Variants in PPP3CC observed in about 807,000 individuals in gnomAD.
The protein encoded by PPP3CC is serine/threonine-protein phosphatase 2B catalytic subunit gamma isoform.
In PPP3CC, 35 loss-of-function variants were observed where a neutral mutation model predicts 60.3. The ratio of observed to expected loss-of-function variants is 0.58; its 90% CI spans 0.44 to 0.77. The LOEUF is 0.77. Among genes scored for constraint, PPP3CC ranks in the 30% least tolerant of loss-of-function variants. The probability of loss-of-function intolerance (pLI) is 0.00; values close to 1 mark genes in which losing one functional copy is unlikely to be tolerated. For missense variants in PPP3CC, 570 were observed against 628.9 expected (o/e 0.91, Z 1.00); for synonymous variants, 206 against 224.3 (o/e 0.92, Z 0.73).
At chr8:22,471,478 A>C (rs1837719872) in intron 1 of PPP3CC, among the ~76,000 whole-genome samples, 1 of 152,150 alleles carries the variant, frequency 6.6e-6, no homozygotes, top group South Asian at 2.1e-4. Context: ...TAGATGGTGT[A>C]ACTACTACTA....
At chr8:22,527,986 T>A (rs1839605362) in intron 9 of PPP3CC, among the ~76,000 whole-genome samples, 1 of 152,166 alleles carries the variant, frequency 6.6e-6, no homozygotes, top group Non-Finnish European at 1.5e-5. Context: ...TTTAATATAT[T>A]ATGGTTTTTT....
chr8:22,489,941 C>G (rs569074424), intron 3 of PPP3CC, among the ~76,000 whole-genome samples: 2 of 151,032 alleles, frequency 1.3e-5, no homozygotes, highest in Admixed American at 1.3e-4. Flanking sequence ...CCTGCCTCAG[C>G]CTCTCCAGTA....
At chr8:22,495,025 A>G (rs941043211) in intron 3 of PPP3CC, among the ~76,000 whole-genome samples, 4 of 152,080 alleles carry the variant, frequency 2.6e-5, no homozygotes, top group Non-Finnish European at 5.9e-5. Context: ...ATAGCTCACT[A>G]CAGCCTCAAA....
At chr8:22,512,798 C>T (rs953403348) in intron 5 of PPP3CC, among the ~76,000 whole-genome samples, 24 of 151,976 alleles carry the variant, frequency 1.6e-4, no homozygotes, top group Admixed American at 1.0e-3. Context: ...TATTGCAGAC[C>T]GGGCGCGGTG....
chr8:22,529,968 C>T (rs1041928981), intron 10 of PPP3CC, among the ~76,000 whole-genome samples: 4 of 152,132 alleles, frequency 2.6e-5, no homozygotes, highest in African/African-American at 9.7e-5. Flanking sequence ...AAGCACAAAC[C>T]GGCCTCATCC....
chr8:22,458,059 C>G (rs1440482158), intron 1 of PPP3CC, among the ~76,000 whole-genome samples: 4 of 151,872 alleles, frequency 2.6e-5, no homozygotes, highest in African/African-American at 4.8e-5. Flanking sequence ...CCATTGCACT[C>G]CAGCCTGGGC....
At position 22,522,429 on chromosome 8, in the gene PPP3CC, A is replaced by G. The variant is rs1040352227; in HGVS notation, c.771-62A>G. On this transcript the variant is annotated intron_variant, in intron 6 of 13. Coordinates refer to ENST00000240139, the MANE Select transcript of PPP3CC (RefSeq NM_005605.5). ...GCTAATATCACCTTGACTTTTCCCC[A>G]TCTTCCTATTAAAAAAAATTGTTTT... 2.5e-5 allele frequency: 33 copies of G among 1,345,948 alleles called. 1 individual carries two copies. In the South Asian group the frequency reaches 3.7e-4, roughly 15 times the overall value. 83.4% of individuals were successfully genotyped at this position (1,345,948 alleles called of 1,614,324 possible).
chr8:22,516,354 T>C (rs994067976), intron 6 of PPP3CC, among the ~76,000 whole-genome samples: 1 of 152,236 alleles, frequency 6.6e-6, no homozygotes, highest in Admixed American at 6.5e-5. Context: ...TATTCATTGT[T>C]GTCAGAATAG....
chr8:22,476,756 C>T (rs868541820), intron 3 of PPP3CC, among the ~76,000 whole-genome samples: 9 of 151,774 alleles, frequency 5.9e-5, no homozygotes, highest in African/African-American at 1.5e-4. Flanking sequence ...CATGGTGAAA[C>T]GCCGTCTCTA....
At chr8:22,536,425 C>A (rs575889833) in intron 12 of PPP3CC, among the ~76,000 whole-genome samples, 1 of 152,292 alleles carries the variant, frequency 6.6e-6, no homozygotes, top group Non-Finnish European at 1.5e-5. Context: ...TAATTGAAAC[C>A]AACTTTGTCT....
chr8:22,485,836 C>G (rs981489154), intron 3 of PPP3CC, among the ~76,000 whole-genome samples: 2 of 152,100 alleles, frequency 1.3e-5, no homozygotes, highest in East Asian at 1.9e-4. Flanking sequence ...ATGTGTTGCT[C>G]TTTGAGAAAG....
At chr8:22,474,776 T>C (rs879572346) in intron 1 of PPP3CC, among the ~76,000 whole-genome samples, 178 bp from the exon 2 acceptor site, 3 of 152,166 alleles carry the variant, frequency 2.0e-5, no homozygotes, top group Non-Finnish European at 4.4e-5. Flanking sequence ...CACCTTTTTA[T>C]ACTTAGAATT....
At chr8:22,451,297 A>T (rs2132431245) in intron 1 of PPP3CC, among the ~76,000 whole-genome samples, 1 of 151,542 alleles carries the variant, frequency 6.6e-6, no homozygotes, top group South Asian at 2.1e-4. Context: ...CACCACGCCC[A>T]GCTAGTTTTT....
intron 13 of PPP3CC, 54 bp downstream of exon 13, chr8:22,539,552 TC>T (rs1258362224): frequency 7.7e-6 from 12 of 1,550,910 alleles, no homozygotes; most frequent in Non-Finnish European, 1.1e-5. Context: ...TACTGGTTTT[TC>T]GAAGCTTTAT....
At chr8:22,471,636 C>A (rs1257794052) in intron 1 of PPP3CC, among the ~76,000 whole-genome samples, 1 of 152,032 alleles carries the variant, frequency 6.6e-6, no homozygotes, top group Non-Finnish European at 1.5e-5. Context: ...ACAATAAAAA[C>A]ACAGTATAAA....
At chr8:22,522,784 A>G (rs749870336) in intron 8 of PPP3CC, 35 bp downstream of exon 8, 1 of 1,435,640 alleles carries the variant, frequency 7.0e-7, no homozygotes, top group South Asian at 1.2e-5. Flanking sequence ...GTTTGAATTT[A>G]TGAGTAAACG....
intron 6 of PPP3CC, among the ~76,000 whole-genome samples, chr8:22,516,341 A>G (rs1016782824): frequency 6.6e-6 from 1 of 152,244 alleles, no homozygotes; most frequent in Non-Finnish European, 1.5e-5. Flanking sequence ...AGAGCATAAT[A>G]CATATTCATT....
chr8:22,490,098 T>C (rs1054896036), intron 3 of PPP3CC, among the ~76,000 whole-genome samples: 7 of 152,022 alleles, frequency 4.6e-5, no homozygotes, highest in African/African-American at 1.4e-4. Context: ...GCTGGGATTA[T>C]AGGCGTGAGC....
intron 4 of PPP3CC, among the ~76,000 whole-genome samples, chr8:22,509,658 C>T (rs1839025134): frequency 6.6e-6 from 1 of 152,178 alleles, no homozygotes; most frequent in African/African-American, 2.4e-5. Flanking sequence ...TTCTGTAGCC[C>T]CAAGTTGACA....
Sources: allele counts gnomAD v4.1 joint callset (sites outside exome capture counted in the v4.1 genomes callset), GRCh38; gene constraint gnomAD v4.1.1; transcripts MANE v1.5; gene names NCBI Gene and HGNC (gene_info 2026-07-23, HGNC 2026-07-21).